The following ZNF451 variants were observed in gnomAD, a reference collection of about 807,000 sequenced individuals.
ZNF451 encodes the protein E3 SUMO-protein ligase ZNF451.
Under a neutral mutation model 107.1 loss-of-function variants are expected in ZNF451, and 80 were observed. That is an observed-to-expected ratio of 0.75 (90% CI 0.62 to 0.90). The LOEUF is 0.90. ZNF451 is among the 40% of genes least tolerant of loss of function. ZNF451 has a pLI of 0.00. For synonymous variants in ZNF451, 362 were observed against 406.5 expected, an observed-to-expected ratio of 0.89 and a Z score of 1.32; for missense variants, 1,107 against 1,236.2, an observed-to-expected ratio of 0.90 and a Z score of 1.57.
intron 13 of ZNF451, among the ~76,000 whole-genome samples, chr6:57,157,927 T>C (rs1363039182): frequency 1.3e-5 from 2 of 152,262 alleles, no homozygotes; most frequent in African/African-American, 2.4e-5. Context: ...TATTGAAGAC[T>C]ACTATGTGCC....
At chr6:57,095,354 A>G (rs1397051141) in intron 2 of ZNF451, among the ~76,000 whole-genome samples, 1 of 135,930 alleles carries the variant, frequency 7.4e-6, no homozygotes, top group African/African-American at 2.8e-5. Context: ...TTTTTTAAAG[A>G]GATAGGGTCT....
At chr6:57,143,988 C>A (rs1400991778) in intron 9 of ZNF451, among the ~76,000 whole-genome samples, 15 of 151,944 alleles carry the variant, frequency 9.9e-5, no homozygotes, top group Admixed American at 9.8e-4. Flanking sequence ...ACATGAAATT[C>A]CAGAATAGGG....
At chr6:57,153,510 T>G (rs1480122991) in intron 12 of ZNF451, among the ~76,000 whole-genome samples, 1 of 151,822 alleles carries the variant, frequency 6.6e-6, no homozygotes, top group Non-Finnish European at 1.5e-5. Context: ...GTTCAAGTGA[T>G]TCTCCAGCCT....
chr6:57,167,041 G>A (rs186934734), intron 14 of ZNF451, among the ~76,000 whole-genome samples: 2 of 152,206 alleles, frequency 1.3e-5, no homozygotes, highest in Admixed American at 6.5e-5. Context: ...CTTAATGATG[G>A]TTTGATTTAT....
intron 3 of ZNF451, chr6:57,106,060 A>G: frequency 3.0e-6 from 3 of 985,300 alleles, no homozygotes; most frequent in Non-Finnish European, 3.6e-6. Context: ...GTGCTACCTA[A>G]GTGACCTGAT....
intron 7 of ZNF451, among the ~76,000 whole-genome samples, chr6:57,137,393 C>G (rs565544439): frequency 6.6e-6 from 1 of 152,272 alleles, no homozygotes; most frequent in Non-Finnish European, 1.5e-5. Context: ...TAGGCCTTCT[C>G]AAACTTAAAT....
chr6:57,142,564 T>A (rs1831824267), intron 9 of ZNF451, among the ~76,000 whole-genome samples: 1 of 152,240 alleles, frequency 6.6e-6, no homozygotes, highest in Non-Finnish European at 1.5e-5. Flanking sequence ...AGTAGTATTG[T>A]GTGAATATAG....
chr6:57,097,597 G>T (rs1347913693), intron 2 of ZNF451, among the ~76,000 whole-genome samples: 1 of 152,190 alleles, frequency 6.6e-6, no homozygotes, highest in East Asian at 1.9e-4. Context: ...GCCACATTCA[G>T]TGGCATTTTA....
Position 57,150,764 on chromosome 6 carries a change from T to TG in ZNF451, c.2655dup (p.Thr886AspfsTer9), listed in dbSNP as rs771229203. 6.2e-7 allele frequency: 1 copy of TG among 1,612,028 alleles called. No homozygotes were observed. Among genetic ancestry groups the TG allele is most frequent in the Non-Finnish European group, 8.5e-7 (1 of 1,179,112 alleles). On this transcript the variant is annotated frameshift_variant, in exon 11 of 15. Transcript: ENST00000370706. LOFTEE classifies it high-confidence loss of function. Reference sequence around the variant, plus strand: ...CCAGATTTGGATTACCTGCGAACCATGACTCATATAGTCTTTGTAGATTTT... The same window carrying TG: ...CCAGATTTGGATTACCTGCGAACCATGGACTCATATAGTCTTTGTAGATTTT...
intron 7 of ZNF451, among the ~76,000 whole-genome samples, chr6:57,138,425 G>T (rs1357450788): frequency 1.3e-5 from 2 of 151,646 alleles, no homozygotes; most frequent in Admixed American, 6.6e-5. Context: ...ACCACACCCG[G>T]CTAATTTTTT....
At chr6:57,164,838 A>C (rs898450217) in intron 14 of ZNF451, 5 of 152,206 alleles carry the variant, frequency 3.3e-5, no homozygotes, top group Non-Finnish European at 4.4e-5. Flanking sequence ...AAGAATGGTA[A>C]GGGGAACACA....
chr6:57,125,268 C>G (rs1031288722), intron 4 of ZNF451, among the ~76,000 whole-genome samples: 1 of 152,074 alleles, frequency 6.6e-6, no homozygotes, highest in Non-Finnish European at 1.5e-5. Context: ...CTTATCCTTC[C>G]AAATTAAATC....
chr6:57,154,287 A>G lies in ZNF451; in HGVS notation c.3070+240A>G, dbSNP rs565417822. On this transcript the variant is annotated intron_variant, in intron 13 of 14. Coordinates refer to ENST00000370706, the MANE Select transcript of ZNF451 (RefSeq NM_001031623.3). ...TTTTTTGATCTAGTAGATAAAATCT[A>G]TATTGATGTATATAAAACATATATT... 2.2e-5 allele frequency: 13 copies of G among 591,928 alleles called. No individual in the cohort carries two copies. The East Asian group carries it at 3.3e-4, about 15-fold the overall frequency. The allele number at this position is 591,928 out of a possible 1,614,324, so 36.7% of individuals were successfully genotyped here.
chr6:57,132,912 A>G, intron 5 of ZNF451, 130 bp from the exon 6 acceptor site: 1 of 913,512 alleles, frequency 1.1e-6, no homozygotes, highest in East Asian at 2.7e-5. Flanking sequence ...GAGGTTTTAA[A>G]CAATTATAAT....
Position 57,148,485 on chromosome 6 carries a change from T to C in ZNF451, c.2400T>C (p.Asp800=). The C allele has an allele frequency of 6.2e-7, 1 of 1,614,138 alleles. No individual in the cohort carries two copies. Among genetic ancestry groups the C allele is most frequent in the Non-Finnish European group, 8.5e-7 (1 of 1,180,004 alleles). The part of the protein sequence containing the change: ...KCGTCTKAFH[D]PESAQQHFHR... Reference sequence around the variant, plus strand: ...GCACCTGCACCAAAGCATTTCATGATCCTGAGAGTGCACAGCAGCATTTCC... The same window carrying C: ...GCACCTGCACCAAAGCATTTCATGACCCTGAGAGTGCACAGCAGCATTTCC... The change falls in exon 10 of 15, where the codon GAT becomes GAC. Residue 800 remains aspartate (D), a synonymous_variant. Coordinates refer to ENST00000370706, the MANE Select transcript of ZNF451 (RefSeq NM_001031623.3).
intron 3 of ZNF451, among the ~76,000 whole-genome samples, chr6:57,110,197 G>T (rs964432444): frequency 6.6e-6 from 1 of 152,174 alleles, no homozygotes; most frequent in Admixed American, 6.5e-5. Flanking sequence ...ACACAATGGG[G>T]TGTGTCTGGT....
Position 57,141,469 on chromosome 6 carries a change from CTCTT to C in ZNF451, c.856+15_856+18del, listed in dbSNP as rs1562617526. On this transcript the variant is annotated intron_variant, in intron 8 of 14. Transcript: ENST00000370706. ...TCAAACTGGGTGGTATGTTAATACT[CTCTT>C]CTGCTGAAAATTAAACTACTTGAAT... is the stretch of plus-strand genomic sequence containing the variant. The C allele has an allele frequency of 3.8e-6, 6 of 1,590,376 alleles. No individual in the cohort carries two copies. The highest frequency in any genetic ancestry group is 5.1e-6 in the Non-Finnish European group (6 of 1,165,948).
At chr6:57,149,277 T>A (rs1343527598) in intron 10 of ZNF451, among the ~76,000 whole-genome samples, 3 of 152,242 alleles carry the variant, frequency 2.0e-5, no homozygotes, top group Admixed American at 6.5e-5. Flanking sequence ...CTCCAGACTT[T>A]CTTTCTTCCA....
chr6:57,090,349 C>T (rs1198834649), intron 1 of ZNF451, 75 bp downstream of exon 1: 2 of 1,581,806 alleles, frequency 1.3e-6, no homozygotes, highest in African/African-American at 1.3e-5. Flanking sequence ...CGGTCTGAGG[C>T]CTGGTGCTCC....
Sources: gnomAD v4.1 joint callset for allele counts (sites outside exome capture counted in the v4.1 genomes callset) on GRCh38, gnomAD v4.1.1 for gene constraint, MANE v1.5 for transcripts, NCBI Gene and HGNC (gene_info 2026-07-23, HGNC 2026-07-21) for gene names.